Variants in TRIM71 observed in about 807,000 individuals in gnomAD.
TRIM71 encodes tripartite motif containing 71, also known as E3 ubiquitin-protein ligase TRIM71.
TRIM71 carries 9 observed loss-of-function variants against 61.2 expected under a neutral mutation model. The observed-to-expected ratio is 0.15, with a 90% confidence interval of 0.09 to 0.26. The LOEUF is 0.26. TRIM71 is among the 10% of genes least tolerant of loss of function. TRIM71 has a pLI of 1.00. For synonymous variants in TRIM71, 645 were observed against 553.2 expected (o/e 1.17, Z -2.33); for missense variants, 998 against 1,238.7 (o/e 0.81, Z 2.92).
At chr3:32,861,459 G>A (rs1382647901) in intron 1 of TRIM71, among the ~76,000 whole-genome samples, 7 of 151,734 alleles carry the variant, frequency 4.6e-5, no homozygotes, top group Middle Eastern at 3.4e-3. Flanking sequence ...TTGGCCAGGC[G>A]CGGTGGCTCA....
At chr3:32,832,168 A>C (rs1392215848) in intron 1 of TRIM71, among the ~76,000 whole-genome samples, 1 of 152,168 alleles carries the variant, frequency 6.6e-6, no homozygotes, top group East Asian at 1.9e-4. Context: ...ACTAGATGAA[A>C]TTTAAACACT....
At chr3:32,872,293 C>G (rs561356802) in intron 1 of TRIM71, among the ~76,000 whole-genome samples, 25 of 152,182 alleles carry the variant, frequency 1.6e-4, no homozygotes, top group Admixed American at 4.6e-4. Context: ...CCAGTTTAAC[C>G]CATCCTAGAT....
At chr3:32,824,079 GAAA>G (rs79250386) in intron 1 of TRIM71, among the ~76,000 whole-genome samples, 40 of 148,432 alleles carry the variant, frequency 2.7e-4, no homozygotes, top group Non-Finnish European at 4.5e-4. Context: ...CTCAAAAAAA[GAAA>G]AAAAAAAGTG....
Position 32,818,592 on chromosome 3 carries a change from C to G in TRIM71, c.512C>G (p.Pro171Arg). 1.5e-6 allele frequency: 2 copies of G among 1,323,880 alleles called. No homozygotes were observed. Among genetic ancestry groups the G allele is most frequent in the Non-Finnish European group, 1.9e-6 (2 of 1,045,492 alleles). 82.0% of individuals were successfully genotyped at this position (1,323,880 alleles called of 1,614,324 possible). A position where few individuals can be genotyped will look rare whatever the true frequency, so the allele number is the denominator to read the frequency against. ...SASAPPLPQAPQPPAPSRSAP... is the reference protein window; with the variant it reads ...SASAPPLPQARQPPAPSRSAP... ...TCCGCGCCGCCACTCCCGCAGGCGC[C>G]GCAGCCGCCCGCGCCTTCCCGCTCG... The change falls in exon 1 of 4, where the codon CCG becomes CGG. Residue 171 changes from proline to arginine, a missense_variant. Physicochemically the swap from Pro to Arg is moderately radical, Grantham distance 103. Coordinates refer to ENST00000383763, the MANE Select transcript of TRIM71 (RefSeq NM_001039111.3).
chr3:32,840,483 C>CTTA (rs1448909846), intron 1 of TRIM71, among the ~76,000 whole-genome samples: 1 of 152,184 alleles, frequency 6.6e-6, no homozygotes, highest in Non-Finnish European at 1.5e-5. Flanking sequence ...CTCTCCTGAA[C>CTTA]TTTACTCCAT....
chr3:32,857,044 T>C lies in TRIM71; in HGVS notation c.853-16774T>C, dbSNP rs144745251. 3.8e-3 allele frequency among the ~76,000 whole-genome samples: 581 copies of C among 152,342 alleles called. 1 individual carries two copies. The highest frequency in any genetic ancestry group is 0.014 in the Middle Eastern group (4 of 294). The stretch of plus-strand genomic sequence containing the variant: ...GGGTTTTCTGACTCCACAACACAAG[T>C]TGGCCCAAAGTTGTGTCCTGGCCTC... On this transcript the variant is annotated intron_variant, in intron 1 of 3. Coordinates refer to ENST00000383763, the MANE Select transcript of TRIM71 (RefSeq NM_001039111.3).
chr3:32,823,281 T>G (rs1180676130), intron 1 of TRIM71, among the ~76,000 whole-genome samples: 2 of 152,196 alleles, frequency 1.3e-5, no homozygotes, highest in African/African-American at 4.8e-5. Context: ...TAGGAATGGA[T>G]TTTTCAACAT....
intron 1 of TRIM71, among the ~76,000 whole-genome samples, chr3:32,827,516 C>T (rs895956497): frequency 6.6e-5 from 10 of 152,104 alleles, no homozygotes; most frequent in Admixed American, 3.3e-4. Flanking sequence ...CCGCCTCAGC[C>T]TCCCAAAGTG....
chr3:32,842,872 T>C (rs955398975), intron 1 of TRIM71, among the ~76,000 whole-genome samples: 6 of 152,166 alleles, frequency 3.9e-5, no homozygotes, highest in African/African-American at 1.4e-4. Context: ...CCTGGGAGTT[T>C]TATGGGCCTC....
rs767758015 is a variant in TRIM71, at chr3:32,891,849, C to CAT, written c.*38_*39insAT. 2.6e-6 allele frequency: 4 copies of CAT among 1,563,776 alleles called. No homozygotes were observed. In the South Asian group the frequency reaches 3.4e-5, roughly 13 times the overall value. The stretch of plus-strand genomic sequence containing the variant: ...GGTTTCTGTGTTTGGGGTGTGTGTG[C>CAT]GTGTCTCTCTCTCTCTCTCTCTCTT... On this transcript the variant is annotated 3_prime_UTR_variant, in exon 4 of 4. Transcript: ENST00000383763. This position sits in a 1 kb window ranked among gnomAD's most constrained non-coding sequence, Gnocchi z 8.2.
At chr3:32,824,084 A>G (rs1238877873) in intron 1 of TRIM71, among the ~76,000 whole-genome samples, 1 of 152,226 alleles carries the variant, frequency 6.6e-6, no homozygotes, top group African/African-American at 2.4e-5. Flanking sequence ...AAAAAGAAAA[A>G]AAAAAGTGTT....
intron 1 of TRIM71, among the ~76,000 whole-genome samples, chr3:32,853,871 G>A (rs181011162): frequency 2.6e-5 from 4 of 152,298 alleles, no homozygotes; most frequent in Admixed American, 6.5e-5. Flanking sequence ...GCCAGGCATG[G>A]CGTGTGCCTG....
intron 1 of TRIM71, among the ~76,000 whole-genome samples, chr3:32,842,750 T>C (rs1696421788): frequency 6.6e-6 from 1 of 152,052 alleles, no homozygotes; most frequent in South Asian, 2.1e-4. Flanking sequence ...GTGTAGGCTC[T>C]TCTGATCCCC....
At chr3:32,886,291 TA>T (rs1158386694) in intron 3 of TRIM71, among the ~76,000 whole-genome samples, 2 of 152,194 alleles carry the variant, frequency 1.3e-5, no homozygotes, top group African/African-American at 4.8e-5. Context: ...AGTACGTGGG[TA>T]ACCAAGACTG....
chr3:32,888,737 A>C (rs1696989927), intron 3 of TRIM71, among the ~76,000 whole-genome samples: 1 of 152,144 alleles, frequency 6.6e-6, no homozygotes, highest in Admixed American at 6.6e-5. Context: ...AGAAGGTCTC[A>C]CTATGTTGGC....
intron 1 of TRIM71, among the ~76,000 whole-genome samples, chr3:32,842,725 ACAG>A (rs1696420466): frequency 8.7e-4 from 1 of 1,154 alleles, no homozygotes; most frequent in Admixed American, 0.033. Context: ...CCTTATACAG[ACAG>A]GCCTTAGCCA....
chr3:32,851,052 C>T (rs1246207397), intron 1 of TRIM71, among the ~76,000 whole-genome samples: 1 of 152,208 alleles, frequency 6.6e-6, no homozygotes, highest in Non-Finnish European at 1.5e-5. Context: ...TCTTATGGTT[C>T]TGTCAAGCTT....
At chr3:32,886,632 A>T (rs1696964692) in intron 3 of TRIM71, among the ~76,000 whole-genome samples, 1 of 152,178 alleles carries the variant, frequency 6.6e-6, no homozygotes, top group East Asian at 1.9e-4. Flanking sequence ...CTCAGAAAGG[A>T]GGAGAGTTAG....
rs558274714 is a variant in TRIM71 at position 32,863,705 on chromosome 3, C to T, written c.853-10113C>T. Among the ~76,000 whole-genome samples the T allele has an allele frequency of 5.3e-5, 8 of 152,084 alleles. No homozygotes were observed. The South Asian group carries it at 1.2e-3, about 24-fold the overall frequency. ...TGTTTTTGTTTTTGTTTTTTTGAGA[C>T]GGAGTCTCCTCTGTCACCCAGGCTG... On this transcript the variant is annotated intron_variant, in intron 1 of 3. Transcript: ENST00000383763.
Sources: allele counts gnomAD v4.1 joint callset (sites outside exome capture counted in the v4.1 genomes callset), GRCh38; gene constraint gnomAD v4.1.1; non-coding constraint Gnocchi (gnomAD v3.1); transcripts MANE v1.5; gene names NCBI Gene and HGNC (gene_info 2026-07-23, HGNC 2026-07-21).